Variants in NOS1AP observed in about 807,000 individuals in gnomAD.
The protein encoded by NOS1AP is carboxyl-terminal PDZ ligand of neuronal nitric oxide synthase protein.
NOS1AP carries 21 observed loss-of-function variants against 56.2 expected under a neutral mutation model. The observed-to-expected ratio is 0.37, with a 90% CI of 0.26 to 0.54. The LOEUF is 0.54. NOS1AP is among the 20% of genes least tolerant of loss of function. NOS1AP has a pLI of 0.84. For missense variants in NOS1AP, 522 were observed against 657.8 expected (o/e 0.79, Z 2.26); for synonymous variants, 270 against 274.6 (o/e 0.98, Z 0.17).
chr1:162,286,309 G>C (rs1280756001), intron 2 of NOS1AP, among the ~76,000 whole-genome samples: 1 of 152,202 alleles, frequency 6.6e-6, no homozygotes, highest in Non-Finnish European at 1.5e-5. Context: ...GTAGGAGAAG[G>C]TCTTGAGTAT....
intron 2 of NOS1AP, among the ~76,000 whole-genome samples, chr1:162,246,556 G>A (rs1653671843): frequency 6.6e-6 from 1 of 152,146 alleles, no homozygotes; most frequent in South Asian, 2.1e-4. Flanking sequence ...TTAAGGAGAT[G>A]AGATTAATAC....
intron 4 of NOS1AP, among the ~76,000 whole-genome samples, chr1:162,319,236 G>A (rs185203742): frequency 1.3e-3 from 197 of 152,272 alleles, no homozygotes; most frequent in Non-Finnish European, 2.4e-3. Flanking sequence ...GCAGCAGAAT[G>A]GGGATTTGAG....
At chr1:162,283,861 T>C (rs1655011280) in intron 2 of NOS1AP, among the ~76,000 whole-genome samples, 1 of 152,142 alleles carries the variant, frequency 6.6e-6, no homozygotes, top group East Asian at 1.9e-4. Flanking sequence ...AGCCTGGCCA[T>C]ATTCAGGGAG....
intron 2 of NOS1AP, among the ~76,000 whole-genome samples, chr1:162,228,899 C>T (rs1186018108): frequency 6.6e-6 from 1 of 152,134 alleles, no homozygotes; most frequent in Admixed American, 6.5e-5. Context: ...TGCACAGGAC[C>T]TTCTTAACTT....
intron 4 of NOS1AP, among the ~76,000 whole-genome samples, chr1:162,308,079 A>G (rs1655899626): frequency 6.6e-6 from 1 of 152,256 alleles, no homozygotes; most frequent in Non-Finnish European, 1.5e-5. Flanking sequence ...CTATTAAACT[A>G]TAATAAAAGA....
intron 4 of NOS1AP, among the ~76,000 whole-genome samples, chr1:162,332,019 G>C (rs1216162440): frequency 3.3e-5 from 5 of 152,202 alleles, no homozygotes; most frequent in Non-Finnish European, 7.3e-5. Flanking sequence ...ATCTCACGTA[G>C]AATATAAGCC....
chr1:162,142,777 G>A (rs867022096), intron 1 of NOS1AP, among the ~76,000 whole-genome samples: 1 of 152,170 alleles, frequency 6.6e-6, no homozygotes, highest in African/African-American at 2.4e-5. Flanking sequence ...TTGCAGGGTC[G>A]TTGCTGACTT....
chr1:162,215,397 T>C (rs1180053549), intron 2 of NOS1AP, among the ~76,000 whole-genome samples: 1 of 152,238 alleles, frequency 6.6e-6, no homozygotes, highest in Non-Finnish European at 1.5e-5. Flanking sequence ...CACTGTGTTG[T>C]GTCCCCTACT....
chr1:162,322,004 C>A (rs773894188), intron 4 of NOS1AP, among the ~76,000 whole-genome samples: 3 of 152,084 alleles, frequency 2.0e-5, no homozygotes, highest in African/African-American at 7.2e-5. Flanking sequence ...CAAACTCCAG[C>A]CTTGCGCAAT....
intron 2 of NOS1AP, among the ~76,000 whole-genome samples, chr1:162,179,600 G>A (rs370588275): frequency 2.6e-5 from 4 of 152,182 alleles, no homozygotes; most frequent in Admixed American, 6.5e-5. Flanking sequence ...AGAATGTAAA[G>A]AAACATTATG....
Position 162,089,199 on chromosome 1 carries a change from G to A in NOS1AP, c.105+18917G>A, listed in dbSNP as rs140700219. On this transcript the variant is annotated intron_variant, in intron 1 of 9. Coordinates refer to ENST00000361897, the MANE Select transcript of NOS1AP (RefSeq NM_014697.3). The stretch of plus-strand genomic sequence containing the variant: ...AAGAGCAAGGATGAATGTGATAGAT[G>A]TAAACATACTTGTGTGTTCATACTG... Among the ~76,000 whole-genome samples, 472 of 152,316 alleles carry A rather than the reference G, an allele frequency of 3.1e-3. 4 individuals carry two copies. The highest frequency in any genetic ancestry group is 0.01 in the African/African-American group (417 of 41,580).
intron 1 of NOS1AP, among the ~76,000 whole-genome samples, chr1:162,072,858 G>T (rs144522686): frequency 2.6e-5 from 4 of 152,186 alleles, no homozygotes; most frequent in African/African-American, 4.8e-5. Flanking sequence ...AATCCACATC[G>T]CAGTCTTCCC....
chr1:162,090,352 G>T (rs1692104546), intron 1 of NOS1AP, among the ~76,000 whole-genome samples: 1 of 139,492 alleles, frequency 7.2e-6, no homozygotes, highest in Non-Finnish European at 1.6e-5. Context: ...ATTAGATGCT[G>T]CCTAAATTAT....
intron 1 of NOS1AP, among the ~76,000 whole-genome samples, chr1:162,137,612 C>G (rs1649059633): frequency 1.3e-5 from 2 of 151,978 alleles, no homozygotes; most frequent in South Asian, 4.2e-4. Context: ...TCTGCCCTTT[C>G]TCTGCTTGAT....
At chr1:162,180,389 C>T (rs1332776662) in intron 2 of NOS1AP, among the ~76,000 whole-genome samples, 2 of 152,072 alleles carry the variant, frequency 1.3e-5, no homozygotes, top group South Asian at 2.1e-4. Flanking sequence ...GGACCACAGG[C>T]GCCCGCCACC....
Position 162,220,666 on chromosome 1 carries a change from G to A in NOS1AP, c.177+66190G>A, listed in dbSNP as rs564608871. Among the ~76,000 whole-genome samples, 4 of 152,242 alleles carry A rather than the reference G, an allele frequency of 2.6e-5. No individual in the cohort carries two copies. In the South Asian group the frequency reaches 8.3e-4, roughly 32 times the overall value. ...GGTCTTCTATGTTGCCCTGGCTGTTGCTTTCCATTCCGGCTTTAAATTCTC... is the reference window on the plus strand; with the variant it reads ...GGTCTTCTATGTTGCCCTGGCTGTTACTTTCCATTCCGGCTTTAAATTCTC... On this transcript the variant is annotated intron_variant, in intron 2 of 9. Coordinates refer to ENST00000361897, the MANE Select transcript of NOS1AP (RefSeq NM_014697.3).
intron 1 of NOS1AP, among the ~76,000 whole-genome samples, chr1:162,116,463 T>C (rs1647956956): frequency 6.6e-6 from 1 of 152,160 alleles, no homozygotes; most frequent in Non-Finnish European, 1.5e-5. Flanking sequence ...ATACCCAGGG[T>C]ATTTATTCCA....
At chr1:162,152,054 C>A (rs1649736122) in intron 1 of NOS1AP, among the ~76,000 whole-genome samples, 1 of 152,146 alleles carries the variant, frequency 6.6e-6, no homozygotes, top group Non-Finnish European at 1.5e-5. Flanking sequence ...CTCCACCTGT[C>A]CTCCCTGCAT....
At chr1:162,352,777 A>G (rs1657560393) in intron 6 of NOS1AP, among the ~76,000 whole-genome samples, 1 of 152,060 alleles carries the variant, frequency 6.6e-6, no homozygotes, top group Non-Finnish European at 1.5e-5. Context: ...ACCTCCCAAA[A>G]GCTCATCTCC....
Sources: allele counts gnomAD v4.1 joint callset (sites outside exome capture counted in the v4.1 genomes callset), GRCh38; gene constraint gnomAD v4.1.1; transcripts MANE v1.5; gene names NCBI Gene and HGNC (gene_info 2026-07-23, HGNC 2026-07-21).